The following RFX4 variants were observed in gnomAD, a reference collection of about 807,000 sequenced individuals.
The protein encoded by RFX4 is transcription factor RFX4.
RFX4 carries 10 observed loss-of-function variants against 95.0 expected under a neutral mutation model. That is an observed-to-expected ratio of 0.11 (90% CI 0.06 to 0.18). The LOEUF is 0.18. Among genes scored for constraint, RFX4 ranks in the 10% least tolerant of loss-of-function variants. RFX4 has a pLI of 1.00. For missense variants in RFX4, 640 were observed against 922.0 expected (o/e 0.69, Z 3.96); for synonymous variants, 321 against 340.7 (o/e 0.94, Z 0.64).
intron 3 of RFX4, among the ~76,000 whole-genome samples, chr12:106,643,265 G>T (rs772836143): frequency 2.6e-5 from 4 of 152,160 alleles, no homozygotes; most frequent in Admixed American, 2.0e-4. Flanking sequence ...CACACTCAGC[G>T]TCCACCACTC....
chr12:106,638,908 A>C (rs2040564635), intron 2 of RFX4, among the ~76,000 whole-genome samples: 1 of 152,182 alleles, frequency 6.6e-6, no homozygotes, highest in African/African-American at 2.4e-5. Flanking sequence ...TATCATCATC[A>C]TCTGGGGGAT....
chr12:106,759,061 A>G (rs1040037973), intron 17 of RFX4, among the ~76,000 whole-genome samples: 3 of 152,242 alleles, frequency 2.0e-5, no homozygotes, highest in African/African-American at 7.2e-5. Context: ...GGAGCATATG[A>G]ATATAAGCCA....
intron 17 of RFX4, among the ~76,000 whole-genome samples, chr12:106,752,674 C>T (rs1033072065): frequency 2.6e-5 from 4 of 152,096 alleles, no homozygotes; most frequent in Non-Finnish European, 5.9e-5. Flanking sequence ...TCATCCAGCC[C>T]GCACAGGTAA....
chr12:106,688,906 A>G (rs2041721919), intron 6 of RFX4, among the ~76,000 whole-genome samples: 1 of 152,218 alleles, frequency 6.6e-6, no homozygotes, highest in Non-Finnish European at 1.5e-5. Flanking sequence ...AAGAGAATTT[A>G]GTTCCATAAC....
At chr12:106,686,342 C>T (rs901001337) in intron 5 of RFX4, among the ~76,000 whole-genome samples, 4 of 149,262 alleles carry the variant, frequency 2.7e-5, no homozygotes, top group East Asian at 2.0e-4. Context: ...ACCCGGGAGG[C>T]GTGGAGGTTC....
intron 1 of RFX4, among the ~76,000 whole-genome samples, chr12:106,590,344 A>T (rs140688487): frequency 6.6e-6 from 1 of 152,258 alleles, no homozygotes; most frequent in Non-Finnish European, 1.5e-5. Context: ...TTTTAAGTAC[A>T]TTATCTGTGT....
intron 15 of RFX4, among the ~76,000 whole-genome samples, chr12:106,733,667 C>A (rs971965991): frequency 1.3e-5 from 2 of 152,154 alleles, no homozygotes; most frequent in African/African-American, 4.8e-5. Flanking sequence ...CATAAGGAGG[C>A]AAGGGCTGTG....
chr12:106,710,648 G>A (rs1266950411), intron 9 of RFX4, among the ~76,000 whole-genome samples: 4 of 152,118 alleles, frequency 2.6e-5, no homozygotes, highest in Non-Finnish European at 4.4e-5. Context: ...GTTCAAAGTC[G>A]GCGGCAAGGA....
At chr12:106,641,762 A>G (rs538489216) in intron 3 of RFX4, among the ~76,000 whole-genome samples, 1 of 152,264 alleles carries the variant, frequency 6.6e-6, no homozygotes, top group African/African-American at 2.4e-5. Context: ...CGTTTGCTCT[A>G]ATTATCTTTA....
At chr12:106,732,281 C>T (rs2042627753) in intron 14 of RFX4, 32 bp downstream of exon 14, 2 of 1,611,626 alleles carry the variant, frequency 1.2e-6, no homozygotes, top group Non-Finnish European at 1.7e-6. Flanking sequence ...AATTGCACCA[C>T]TTGGTAATGT....
intron 13 of RFX4, among the ~76,000 whole-genome samples, chr12:106,724,982 C>T (rs540013029): frequency 1.3e-5 from 2 of 149,312 alleles, no homozygotes; most frequent in South Asian, 4.2e-4. Context: ...CACTGAACTC[C>T]AGCCTGGGTG....
At position 106,762,549 on chromosome 12, in the gene RFX4, T is replaced by A. The variant is rs2043223107; in HGVS notation, c.*1080T>A. The stretch of plus-strand genomic sequence containing the variant: ...TCAGATTTGTAGTAATTTGTGAGGT[T>A]TGTTAGAGATTAATATAGGTTTTCT... On this transcript the variant is annotated 3_prime_UTR_variant, in exon 18 of 18. Transcript: ENST00000392842. The A allele has an allele frequency of 6.6e-6, 1 of 152,554 alleles. No homozygotes were observed. The highest frequency in any genetic ancestry group is 2.1e-4 in the South Asian group (1 of 4,818). 9.5% of individuals were successfully genotyped at this position (152,554 alleles called of 1,614,324 possible).
At chr12:106,614,539 C>A (rs567271998) in intron 2 of RFX4, among the ~76,000 whole-genome samples, 1 of 144,792 alleles carries the variant, frequency 6.9e-6, no homozygotes, top group South Asian at 2.2e-4. Flanking sequence ...GAAGGAGTAT[C>A]GCTCTATTGC....
At chr12:106,687,145 TTC>T (rs143494071) in intron 6 of RFX4, 48 bp downstream of exon 6, 9,737 of 1,143,108 alleles carry the variant, frequency 8.5e-3, no homozygotes, top group Middle Eastern at 9.4e-3. Flanking sequence ...TTCTCTCTCT[TTC>T]TCTCTCTCTC....
At chr12:106,675,814 A>G (rs1473250206) in intron 4 of RFX4, among the ~76,000 whole-genome samples, 1 of 152,190 alleles carries the variant, frequency 6.6e-6, no homozygotes, top group East Asian at 1.9e-4. Flanking sequence ...AGAGTAAGAC[A>G]GAACACAGTG....
intron 13 of RFX4, among the ~76,000 whole-genome samples, chr12:106,727,195 A>G (rs1051505762): frequency 1.3e-5 from 2 of 152,248 alleles, no homozygotes; most frequent in Admixed American, 1.3e-4. Flanking sequence ...AAAATTACCA[A>G]TTAACATACT....
intron 6 of RFX4, among the ~76,000 whole-genome samples, chr12:106,687,798 CTA>C (rs1771736892): frequency 6.6e-6 from 1 of 152,112 alleles, no homozygotes; most frequent in African/African-American, 2.4e-5. Context: ...TACCTATCAT[CTA>C]TCTTCTGTCT....
chr12:106,683,272 G>A (rs2137403581), intron 5 of RFX4: 1 of 152,050 alleles, frequency 6.6e-6, no homozygotes, highest in South Asian at 2.1e-4. Context: ...TTTGATTTTG[G>A]AGCCAAGGTA....
At chr12:106,666,633 G>C (rs1000735967) in intron 4 of RFX4, among the ~76,000 whole-genome samples, 2 of 151,106 alleles carry the variant, frequency 1.3e-5, no homozygotes, top group South Asian at 2.1e-4. Context: ...TTTAGTTTTT[G>C]AAGTTTCTGT....
Sources: allele counts gnomAD v4.1 joint callset (sites outside exome capture counted in the v4.1 genomes callset), GRCh38; gene constraint gnomAD v4.1.1; transcripts MANE v1.5; gene names NCBI Gene and HGNC (gene_info 2026-07-23, HGNC 2026-07-21).